STK4: variants seen among roughly 807,000 people sequenced by gnomAD.
STK4 encodes the protein serine/threonine kinase 4, also known as serine/threonine-protein kinase 4.
A neutral mutation model predicts 64.9 loss-of-function variants in STK4; 30 were observed. The ratio of observed to expected loss-of-function variants is 0.46; its 90% confidence interval spans 0.35 to 0.63. The LOEUF is 0.63. Ranked by LOEUF, STK4 falls within the 20% of genes least tolerant of loss-of-function variation. The pLI, the probability that STK4 is intolerant of heterozygous loss-of-function variation, is 0.01. For synonymous variants in STK4, 177 were observed against 199.0 expected (o/e 0.89, Z 0.93); for missense variants, 466 against 598.5 (o/e 0.78, Z 2.31).
At chr20:44,971,869 C>T (rs563278793) in intron 1 of STK4, among the ~76,000 whole-genome samples, 19 of 151,992 alleles carry the variant, frequency 1.3e-4, no homozygotes, top group South Asian at 6.2e-4. Flanking sequence ...GACGGGGTTT[C>T]ACCATGTTAG....
intron 10 of STK4, among the ~76,000 whole-genome samples, chr20:45,025,834 T>C (rs2068334812): frequency 6.6e-6 from 1 of 152,218 alleles, no homozygotes. Flanking sequence ...AATTCTGTTG[T>C]TTATAAAAGA....
intron 1 of STK4, among the ~76,000 whole-genome samples, chr20:44,967,837 T>C (rs1297961477): frequency 6.6e-6 from 1 of 152,204 alleles, no homozygotes; most frequent in Non-Finnish European, 1.5e-5. Flanking sequence ...GCTGAGACTG[T>C]AATAGTAATG....
At chr20:45,040,692 C>G (rs2068599691) in intron 10 of STK4, among the ~76,000 whole-genome samples, 1 of 151,116 alleles carries the variant, frequency 6.6e-6, no homozygotes, top group Non-Finnish European at 1.5e-5. Flanking sequence ...TTAGAGACCA[C>G]AGTCTGGGTG....
At position 44,991,752 on chromosome 20, in the gene STK4, A is replaced by G. The variant is rs2067638450; in HGVS notation, c.526-3338A>G. ...ATCACGGCTCACTGCAGCCTCAACC[A>G]CCAGGCTTAGGTGATACCCCCACTT... On this transcript the variant is annotated intron_variant, in intron 5 of 10. Transcript: ENST00000372806. 2.0e-5 allele frequency among the ~76,000 whole-genome samples: 3 copies of G among 151,800 alleles called. No homozygotes were observed. The South Asian group carries it at 6.3e-4, about 32-fold the overall frequency.
At chr20:45,031,904 C>CA (rs11431524) in intron 10 of STK4, among the ~76,000 whole-genome samples, 27,491 of 75,126 alleles carry the variant, frequency 0.37, 4,711 homozygotes, top group Middle Eastern at 0.49. Flanking sequence ...GACTTCATCT[C>CA]AAAAAAAAAA....
At chr20:44,989,967 G>A (rs2067602350) in intron 5 of STK4, among the ~76,000 whole-genome samples, 1 of 152,120 alleles carries the variant, frequency 6.6e-6, no homozygotes, top group African/African-American at 2.4e-5. Context: ...TTTTGAAGTT[G>A]GTTAAGTGTG....
At chr20:45,037,964 A>G (rs2068553490) in intron 10 of STK4, among the ~76,000 whole-genome samples, 1 of 152,184 alleles carries the variant, frequency 6.6e-6, no homozygotes. Flanking sequence ...AATACTGTCA[A>G]GAATGCATCT....
intron 9 of STK4, among the ~76,000 whole-genome samples, chr20:45,010,457 A>G (rs1273441500): frequency 6.6e-6 from 1 of 152,240 alleles, no homozygotes; most frequent in Admixed American, 6.5e-5. Flanking sequence ...TAGGCACTTA[A>G]TATATACCAC....
At chr20:45,066,275 G>A (rs1055734350) in intron 10 of STK4, among the ~76,000 whole-genome samples, 5 of 152,010 alleles carry the variant, frequency 3.3e-5, no homozygotes, top group African/African-American at 1.2e-4. Flanking sequence ...CCACTGGAAT[G>A]TATCCCTTGT....
rs769014647 is a variant in STK4 at position 45,014,423 on chromosome 20, CAAAAT to C, written c.1148-10529_1148-10525del. Reference sequence around the variant, plus strand: ...CCTGGGTGACAGAGCAAGACTGTCTCAAAATAAAATAAAATAAAATAAAATGGAAA... The same window carrying C: ...CCTGGGTGACAGAGCAAGACTGTCTCAAAATAAAATAAAATAAAATGGAAA... On this transcript the variant is annotated intron_variant, in intron 9 of 10. Coordinates refer to ENST00000372806, the MANE Select transcript of STK4 (RefSeq NM_006282.5). Among the ~76,000 whole-genome samples, 6 of 150,554 alleles carry C rather than the reference CAAAAT, an allele frequency of 4.0e-5. No individual in the cohort carries two copies. In the East Asian group the frequency reaches 5.8e-4, roughly 15 times the overall value.
rs992222132 is a variant in STK4, at chr20:45,016,940, G to T, written c.1148-8033G>T. 4.6e-5 allele frequency among the ~76,000 whole-genome samples: 7 copies of T among 152,168 alleles called. No homozygotes were observed. In the South Asian group the frequency reaches 1.4e-3, roughly 31 times the overall value. ...ATTATTTCTCTGTTGCTCTAAGCTT[G>T]CTGTTCTGACCTTCTTTTGTTCAGC... On this transcript the variant is annotated intron_variant, in intron 9 of 10. Coordinates refer to ENST00000372806, the MANE Select transcript of STK4 (RefSeq NM_006282.5).
intron 9 of STK4, among the ~76,000 whole-genome samples, chr20:45,005,240 T>C (rs1265778064): frequency 1.3e-5 from 2 of 152,176 alleles, no homozygotes; most frequent in African/African-American, 4.8e-5. Flanking sequence ...AATCAGTATC[T>C]CTCTCCTCTT....
chr20:45,012,817 G>A (rs1283326207), intron 9 of STK4, among the ~76,000 whole-genome samples: 1 of 134,464 alleles, frequency 7.4e-6, no homozygotes, highest in Admixed American at 7.6e-5. Flanking sequence ...TTTTTTTGAG[G>A]CACTGTCTCA....
Position 44,995,173 on chromosome 20 carries a change from T to C in STK4, c.609T>C (p.Cys203=). Residue 203 remains cysteine, a synonymous_variant, in exon 6 of 11, where the codon TGT becomes TGC. Transcript: ENST00000372806. ...PEVIQEIGYN[C]VADIWSLGIT... ...TGATTCAGGAAATTGGATACAACTG[T>C]GTAGCAGACATCTGGTCCCTGGGAA... The C allele has an allele frequency of 6.2e-7, 1 of 1,614,024 alleles. No individual in the cohort carries two copies. The highest frequency in any genetic ancestry group is 8.5e-7 in the Non-Finnish European group (1 of 1,179,960).
At chr20:45,015,448 C>T (rs947819402) in intron 9 of STK4, among the ~76,000 whole-genome samples, 2 of 152,236 alleles carry the variant, frequency 1.3e-5, no homozygotes, top group Non-Finnish European at 2.9e-5. Flanking sequence ...GGTAGCCTTA[C>T]TGTCCAATTT....
chr20:45,035,850 A>G (rs1323903212), intron 10 of STK4, among the ~76,000 whole-genome samples: 2 of 152,186 alleles, frequency 1.3e-5, no homozygotes, highest in Non-Finnish European at 2.9e-5. Context: ...AAAATAATCA[A>G]ATGATTTTGA....
At chr20:44,969,574 A>G (rs1284289496) in intron 1 of STK4, among the ~76,000 whole-genome samples, 1 of 152,204 alleles carries the variant, frequency 6.6e-6, no homozygotes, top group African/African-American at 2.4e-5. Context: ...TTAAAAAATG[A>G]GTTGCCATTA....
intron 10 of STK4, among the ~76,000 whole-genome samples, chr20:45,029,209 G>A (rs1446441364): frequency 6.6e-6 from 1 of 152,144 alleles, no homozygotes; most frequent in Non-Finnish European, 1.5e-5. Flanking sequence ...TGGTTGTCTG[G>A]AGCTGAGTGG....
chr20:45,027,366 G>A (rs1218038240), intron 10 of STK4, among the ~76,000 whole-genome samples: 1 of 149,498 alleles, frequency 6.7e-6, no homozygotes, highest in Non-Finnish European at 1.5e-5. Flanking sequence ...GGAGGTGGAG[G>A]TTGTGGTGAG....
Sources: allele counts gnomAD v4.1 joint callset (sites outside exome capture counted in the v4.1 genomes callset), GRCh38; gene constraint gnomAD v4.1.1; transcripts MANE v1.5; gene names NCBI Gene and HGNC (gene_info 2026-07-23, HGNC 2026-07-21).